The following SLC38A6 variants were observed in gnomAD, a reference collection of about 807,000 sequenced individuals.
SLC38A6 encodes solute carrier family 38 member 6, also known as N system amino acid transporter NAT-1.
A neutral mutation model predicts 65.0 loss-of-function variants in SLC38A6; 73 were observed. That is an observed-to-expected ratio of 1.12 (90% CI 0.93 to 1.37). The LOEUF (loss-of-function observed/expected upper bound fraction) is 1.37. Ranked by LOEUF, SLC38A6 falls within the 40% of genes most tolerant of loss-of-function variation. The pLI is 0.00. For missense variants in SLC38A6, 561 were observed against 531.1 expected (o/e 1.06, Z -0.55); for synonymous variants, 183 against 178.8 (o/e 1.02, Z -0.19).
intron 1 of SLC38A6, chr14:60,982,096 G>A: frequency 2.2e-6 from 1 of 455,710 alleles, no homozygotes; most frequent in Non-Finnish European, 4.4e-6. Context: ...GATTAGTTGT[G>A]CAGTCCTAGT....
chr14:61,071,060 A>G lies in SLC38A6; in HGVS notation c.1291-7750A>G, dbSNP rs142778770. On this transcript the variant is annotated intron_variant, in intron 15 of 16. Transcript: ENST00000354886. ...CTGTTGGATGTTGTCCCACTTGTCT[A>G]TTTTTGATTTAGCATTATGTTTTGG... 2.8e-3 allele frequency among the ~76,000 whole-genome samples: 421 copies of G among 152,058 alleles called. 3 individuals are homozygous for G. Among genetic ancestry groups the G allele is most frequent in the African/African-American group, 9.4e-3 (388 of 41,486 alleles).
chr14:61,068,172 C>G (rs1034547217), intron 15 of SLC38A6, among the ~76,000 whole-genome samples: 1 of 152,064 alleles, frequency 6.6e-6, no homozygotes, highest in Non-Finnish European at 1.5e-5. Flanking sequence ...TCCACAATCA[C>G]TTCAAACTTA....
In SLC38A6 at chr14:61,049,149, A is replaced by G. The variant is rs1430716648; in HGVS notation, c.926-1363A>G. 3.3e-5 allele frequency among the ~76,000 whole-genome samples: 5 copies of G among 151,888 alleles called. No individual in the cohort carries two copies. The South Asian group carries it at 1.0e-3, about 32-fold the overall frequency. On this transcript the variant is annotated intron_variant, in intron 12 of 15. Transcript: ENST00000267488. ...GGGGTCTCTTTTTCTTCCAATCCGTACTCCTGCTTTAGTTCAGATCATAAT... is the reference window on the plus strand; with the variant it reads ...GGGGTCTCTTTTTCTTCCAATCCGTGCTCCTGCTTTAGTTCAGATCATAAT...
chr14:61,076,167 T>C (rs1031846538), intron 15 of SLC38A6, among the ~76,000 whole-genome samples: 2 of 152,172 alleles, frequency 1.3e-5, no homozygotes, highest in Non-Finnish European at 2.9e-5. Context: ...CAACTCAACT[T>C]CTACTTAGAT....
Position 60,984,782 on chromosome 14 carries a change from C to T in SLC38A6, c.289C>T (p.Leu97Phe), listed in dbSNP as rs2037329731. ...LLASYSVHLL[L>F]SMCIQTAVTS... ...GGCTTCTTACTCAGTCCATCTTCTG[C>T]TTAGTATGTGTATTCAGACAGGTGA... Residue 97 changes from leucine (L) to phenylalanine (F), a missense_variant, in exon 3 of 16, where the codon CTT (leucine) becomes TTT (phenylalanine). Transcript: ENST00000267488. The T allele has an allele frequency of 6.2e-7, 1 of 1,613,770 alleles. No homozygotes were observed.
intron 3 of SLC38A6, among the ~76,000 whole-genome samples, chr14:60,988,494 T>C (rs1332901526): frequency 6.6e-6 from 1 of 152,218 alleles, no homozygotes; most frequent in Non-Finnish European, 1.5e-5. Flanking sequence ...CCTGAACCTC[T>C]TCTTCTCTAA....
chr14:60,992,851 CTT>C (rs35754433), intron 3 of SLC38A6, among the ~76,000 whole-genome samples: 20 of 141,058 alleles, frequency 1.4e-4, no homozygotes, highest in Non-Finnish European at 1.5e-4. Flanking sequence ...TGCCTCCAAA[CTT>C]TTTTTTTTTT....
chr14:60,993,128 G>A (rs560876418), intron 3 of SLC38A6, among the ~76,000 whole-genome samples: 95 of 152,268 alleles, frequency 6.2e-4, no homozygotes, highest in African/African-American at 2.1e-3. Flanking sequence ...GATTACAGGC[G>A]TGAGCCACCG....
chr14:61,065,930 T>C (rs936641680), intron 15 of SLC38A6, among the ~76,000 whole-genome samples: 1 of 152,194 alleles, frequency 6.6e-6, no homozygotes, highest in African/African-American at 2.4e-5. Context: ...ATACAGTATA[T>C]ACAGAGAGAA....
chr14:61,070,272 G>C (rs1053452401), intron 15 of SLC38A6, among the ~76,000 whole-genome samples: 1 of 152,214 alleles, frequency 6.6e-6, no homozygotes, highest in African/African-American at 2.4e-5. Context: ...GAGTTTGACT[G>C]CTCTCGCCAT....
chr14:61,040,628 C>T (rs1031480277), intron 8 of SLC38A6, among the ~76,000 whole-genome samples: 6 of 151,970 alleles, frequency 3.9e-5, no homozygotes, highest in African/African-American at 7.2e-5. Context: ...TGTGAGCCAC[C>T]GCGCCTGGCC....
At chr14:61,007,409 G>A (rs767760554) in intron 3 of SLC38A6, among the ~76,000 whole-genome samples, 5 of 152,260 alleles carry the variant, frequency 3.3e-5, no homozygotes, top group East Asian at 1.9e-4. Context: ...GTAGGAGGAT[G>A]GCTTGAGTCC....
At chr14:61,040,520 T>C (rs1236492239) in intron 8 of SLC38A6, among the ~76,000 whole-genome samples, 1 of 152,040 alleles carries the variant, frequency 6.6e-6, no homozygotes, top group Non-Finnish European at 1.5e-5. Context: ...TTTGTATTTT[T>C]AGTAGAGACA....
At chr14:60,988,359 A>G (rs1012813936) in intron 3 of SLC38A6, among the ~76,000 whole-genome samples, 3 of 152,090 alleles carry the variant, frequency 2.0e-5, no homozygotes. Context: ...ATTTCCTGTC[A>G]TTTCATGAAA....
intron 5 of SLC38A6, among the ~76,000 whole-genome samples, chr14:61,025,918 A>G (rs1384069136): frequency 6.6e-6 from 1 of 152,176 alleles, no homozygotes; most frequent in Admixed American, 6.5e-5. Flanking sequence ...TCTCTCTGAG[A>G]CAGAAAGGCA....
At chr14:61,045,279 G>T in intron 10 of SLC38A6, 67 bp from the exon 11 acceptor site, 1 of 1,010,400 alleles carries the variant, frequency 9.9e-7, no homozygotes. Flanking sequence ...TGAGTTTGTT[G>T]TCAAATGAAA....
chr14:61,039,122 A>AT (rs2041609604), intron 8 of SLC38A6, among the ~76,000 whole-genome samples: 1 of 152,186 alleles, frequency 6.6e-6, no homozygotes, highest in South Asian at 2.1e-4. Flanking sequence ...AGCAGGTTAA[A>AT]TGTATTGATA....
At chr14:61,083,579 C>G in exon 17 of SLC38A6, 4 of 1,550,462 alleles carry the variant, frequency 2.6e-6, no homozygotes, top group Non-Finnish European at 3.5e-6. Flanking sequence ...GAGATGTGCA[C>G]CCAGAGGAAA....
In SLC38A6 at chr14:61,052,045, C is replaced by T; in HGVS notation, c.1200C>T (p.Ala400=). 2 of 1,599,776 alleles carry T rather than the reference C, an allele frequency of 1.3e-6. No individual in the cohort carries two copies. The highest frequency in any genetic ancestry group is 1.7e-6 in the Non-Finnish European group (2 of 1,175,694). The change falls in exon 15 of 16, where the codon GCC becomes GCT. Residue 400 remains alanine, a synonymous_variant. Coordinates refer to ENST00000267488, the MANE Select transcript of SLC38A6 (RefSeq NM_153811.3). The stretch of plus-strand genomic sequence containing the variant: ...TTTTTTCCCTCCACTTTAAAGGTGC[C>T]AGTACATCAACATGTTTGATTTTTA... The part of the protein sequence containing the change: ...DIRNVFGVVG[A]STSTCLIFIF...
Sources: allele counts gnomAD v4.1 joint callset (sites outside exome capture counted in the v4.1 genomes callset), GRCh38; gene constraint gnomAD v4.1.1; transcripts MANE v1.5; gene names NCBI Gene and HGNC (gene_info 2026-07-23, HGNC 2026-07-21).